COL19A1: variants seen among roughly 807,000 people sequenced by gnomAD.
COL19A1 encodes the protein collagen alpha-1(XIX) chain.
In COL19A1, 159 loss-of-function variants were observed where a neutral mutation model predicts 190.2. That is an observed-to-expected ratio of 0.84 (90% CI 0.73 to 0.95). The LOEUF (loss-of-function observed/expected upper bound fraction) is 0.95, where lower values mean the gene tolerates loss of function less well. COL19A1 is among the 40% of genes least tolerant of loss of function. The probability of loss-of-function intolerance (pLI) is 0.00; values close to 1 mark genes in which losing one functional copy is unlikely to be tolerated. For synonymous variants in COL19A1, 509 were observed against 458.9 expected, an observed-to-expected ratio of 1.11 and a Z score of -1.39; for missense variants, 1,418 against 1,431.9, an observed-to-expected ratio of 0.99 and a Z score of 0.16.
intron 2 of COL19A1, among the ~76,000 whole-genome samples, chr6:69,881,783 G>A (rs950715213): frequency 1.3e-5 from 2 of 152,200 alleles, no homozygotes; most frequent in African/African-American, 4.8e-5. Context: ...TGTTCGTAAA[G>A]CAACACGTAC....
Position 70,179,457 on chromosome 6 carries a change from G to A in COL19A1, c.2668-855G>A, listed in dbSNP as rs1233600620. 2.6e-5 allele frequency among the ~76,000 whole-genome samples: 4 copies of A among 152,102 alleles called. No homozygotes were observed. In the East Asian group the frequency reaches 5.8e-4, roughly 22 times the overall value. ...GGACCGTCTGCCCCTCTCGTCCCTC[G>A]CTGTGGTCTGTCTGCTCCAGGATCG... On this transcript the variant is annotated intron_variant, in intron 42 of 50. Coordinates refer to ENST00000620364, the MANE Select transcript of COL19A1 (RefSeq NM_001858.6).
chr6:69,906,849 T>C (rs1295082799), intron 4 of COL19A1, among the ~76,000 whole-genome samples: 1 of 152,132 alleles, frequency 6.6e-6, no homozygotes. Context: ...AAATTATGTT[T>C]ATGGATTTAC....
At chr6:69,878,362 C>T (rs1474971916) in intron 1 of COL19A1, among the ~76,000 whole-genome samples, 2 of 151,740 alleles carry the variant, frequency 1.3e-5, no homozygotes, top group African/African-American at 2.4e-5. Context: ...TACAGGTGCC[C>T]GCCACCGTGC....
At chr6:69,922,239 T>C (rs527643865) in intron 4 of COL19A1, among the ~76,000 whole-genome samples, 5 of 152,036 alleles carry the variant, frequency 3.3e-5, no homozygotes, top group Non-Finnish European at 1.5e-5. Context: ...AATATAAATT[T>C]CTGAAAGGGA....
intron 14 of COL19A1, among the ~76,000 whole-genome samples, chr6:70,045,029 C>A (rs961385136): frequency 1.3e-5 from 2 of 151,930 alleles, no homozygotes; most frequent in African/African-American, 4.8e-5. Context: ...ACTTTAAAAT[C>A]TTTCCAGGCA....
chr6:70,168,711 T>A, intron 40 of COL19A1, 30 bp downstream of exon 40: 1 of 1,611,412 alleles, frequency 6.2e-7, no homozygotes, highest in Non-Finnish European at 8.5e-7. Context: ...TTGTGTCATT[T>A]AGAATATTGG....
intron 49 of COL19A1, among the ~76,000 whole-genome samples, chr6:70,202,752 C>G (rs2150309380): frequency 6.6e-6 from 1 of 152,306 alleles, no homozygotes; most frequent in South Asian, 2.1e-4. Context: ...GAGGATCCGC[C>G]TTCAGCACCC....
intron 6 of COL19A1, among the ~76,000 whole-genome samples, chr6:69,930,794 G>T (rs747268451): frequency 7.9e-5 from 12 of 152,098 alleles, no homozygotes; most frequent in Admixed American, 1.3e-4. Context: ...GCAAGACTTT[G>T]TCTCAAAAAA....
intron 9 of COL19A1, among the ~76,000 whole-genome samples, chr6:69,948,396 C>T (rs1773943177): frequency 6.6e-6 from 1 of 151,704 alleles, no homozygotes; most frequent in African/African-American, 2.4e-5. Flanking sequence ...TTTAACACTC[C>T]AAAATGACAG....
intron 14 of COL19A1, among the ~76,000 whole-genome samples, chr6:70,058,430 G>A (rs1780634469): frequency 6.6e-6 from 1 of 151,942 alleles, no homozygotes; most frequent in Admixed American, 6.6e-5. Flanking sequence ...AATATTTCAC[G>A]AGATTTTCTT....
chr6:69,957,219 T>A lies in COL19A1; in HGVS notation c.937-2777T>A, dbSNP rs117079814. Among the ~76,000 whole-genome samples the A allele has an allele frequency of 4.6e-3, 702 of 152,262 alleles. 4 individuals carry two copies. The highest frequency in any genetic ancestry group is 0.01 in the Middle Eastern group (3 of 294). ...ATAATTTATAGTTTATGACCAGCTA[T>A]GCTTACTGTTGAAAAATATGCAGTG... On this transcript the variant is annotated intron_variant, in intron 9 of 50. Transcript: ENST00000620364.
intron 17 of COL19A1, among the ~76,000 whole-genome samples, chr6:70,122,789 CA>C (rs574522003): frequency 6.6e-6 from 1 of 151,962 alleles, no homozygotes. Context: ...AGAGAAGTGT[CA>C]AAAAAATTTG....
chr6:70,107,061 A>T (rs1377996735), intron 16 of COL19A1, among the ~76,000 whole-genome samples: 1 of 152,184 alleles, frequency 6.6e-6, no homozygotes, highest in Admixed American at 6.6e-5. Flanking sequence ...AATTATCTTC[A>T]TTTTATAATG....
At chr6:69,949,181 G>A (rs1773984954) in intron 9 of COL19A1, among the ~76,000 whole-genome samples, 1 of 151,814 alleles carries the variant, frequency 6.6e-6, no homozygotes, top group Non-Finnish European at 1.5e-5. Flanking sequence ...TATGGTAACA[G>A]ATTACGTTTA....
At chr6:69,892,881 T>A (rs1353092566) in intron 2 of COL19A1, among the ~76,000 whole-genome samples, 1 of 152,222 alleles carries the variant, frequency 6.6e-6, no homozygotes, top group African/African-American at 2.4e-5. Context: ...TCCAATTGTG[T>A]CCTGCCACAA....
At chr6:70,189,398 T>C (rs1289835259) in intron 47 of COL19A1, among the ~76,000 whole-genome samples, 2 of 152,208 alleles carry the variant, frequency 1.3e-5, no homozygotes, top group African/African-American at 4.8e-5. Flanking sequence ...AACTCTCTCA[T>C]CTGACCATCT....
chr6:70,022,660 T>C (rs1778479068), intron 11 of COL19A1, among the ~76,000 whole-genome samples: 1 of 152,210 alleles, frequency 6.6e-6, no homozygotes, highest in Admixed American at 6.5e-5. Flanking sequence ...TGAACATTTG[T>C]AACTTTAATA....
chr6:70,185,219 T>A (rs1766433335), intron 46 of COL19A1, among the ~76,000 whole-genome samples: 1 of 152,244 alleles, frequency 6.6e-6, no homozygotes, highest in African/African-American at 2.4e-5. Context: ...ACCCATGTTC[T>A]TTTTATCTAG....
At chr6:69,971,335 GTGACTTTAGCAAAATAATTT>G (rs140812026) in intron 11 of COL19A1, among the ~76,000 whole-genome samples, 2,516 of 152,128 alleles carry the variant, frequency 0.017, 70 homozygotes, top group African/African-American at 0.054. Flanking sequence ...TGTGTCACTG[GTGACTTTAGCAAAATAATTT>G]TGATGGAATA....
Sources: gnomAD v4.1 joint callset for allele counts (sites outside exome capture counted in the v4.1 genomes callset) on GRCh38, gnomAD v4.1.1 for gene constraint, MANE v1.5 for transcripts, NCBI Gene and HGNC (gene_info 2026-07-23, HGNC 2026-07-21) for gene names.